CLEC2A: variants seen among roughly 807,000 people sequenced by gnomAD.
The protein encoded by CLEC2A is C-type lectin domain family 2 member A.
CLEC2A carries 19 observed loss-of-function variants against 18.6 expected under a neutral mutation model. That is an observed-to-expected ratio of 1.02 (90% confidence interval 0.71 to 1.50). The LOEUF (loss-of-function observed/expected upper bound fraction) is 1.50, where lower values mean the gene tolerates loss of function less well. Ranked by LOEUF, CLEC2A falls within the 40% of genes most tolerant of loss-of-function variation. The pLI, the probability that CLEC2A is intolerant of heterozygous loss-of-function variation, is 0.00. For synonymous variants in CLEC2A, 74 were observed against 64.0 expected (o/e 1.16, Z -0.75); for missense variants, 190 against 207.9 (o/e 0.91, Z 0.53).
At chr12:9,923,543 A>G (rs1340749829) in intron 2 of CLEC2A, among the ~76,000 whole-genome samples, 1 of 152,162 alleles carries the variant, frequency 6.6e-6, no homozygotes, top group South Asian at 2.1e-4. Flanking sequence ...ATCTAGAACT[A>G]GAAATACCAT....
At chr12:9,915,701 A>G (rs948831852) in intron 4 of CLEC2A, among the ~76,000 whole-genome samples, 3 of 152,058 alleles carry the variant, frequency 2.0e-5, no homozygotes, top group African/African-American at 7.2e-5. Flanking sequence ...TGGGGGCAGT[A>G]GGGGGTGGGA....
intron 3 of CLEC2A, 120 bp from the exon 4 acceptor site, chr12:9,916,923 G>A: frequency 1.5e-6 from 1 of 645,856 alleles, no homozygotes; most frequent in Non-Finnish European, 2.8e-6. Flanking sequence ...CTTCCCTGAT[G>A]CTTCTATAAC....
chr12:9,918,126 CA>C (rs1722744672), intron 3 of CLEC2A, among the ~76,000 whole-genome samples: 1 of 151,846 alleles, frequency 6.6e-6, no homozygotes, highest in Non-Finnish European at 1.5e-5. Flanking sequence ...TCAATTTTTG[CA>C]TTTTTTTTTA....
At chr12:9,912,938 T>C (rs1863010071), downstream of CLEC2A, among the ~76,000 whole-genome samples, 2 of 152,214 alleles carry the variant, frequency 1.3e-5, no homozygotes, top group Admixed American at 1.3e-4. Context: ...CTCACATTCC[T>C]ACTTGTTCTG....
the CLEC2A span, chr12:9,893,288 T>A: frequency 1.1e-6 from 1 of 926,264 alleles, no homozygotes; most frequent in Non-Finnish European, 1.6e-6. Context: ...AGCCACAATG[T>A]AGTCACTATT....
the CLEC2A span, chr12:9,885,027 T>A: frequency 5.6e-6 from 7 of 1,248,630 alleles, no homozygotes; most frequent in African/African-American, 1.6e-5. Flanking sequence ...GACCTGAAGT[T>A]CTGGCGTGAG....
chr12:9,923,152 C>T (rs1206028887), intron 2 of CLEC2A, among the ~76,000 whole-genome samples: 10 of 152,006 alleles, frequency 6.6e-5, no homozygotes, highest in Admixed American at 4.6e-4. Context: ...TTTGAAGCCC[C>T]GCATGCATTA....
At chr12:9,886,725 C>T in the CLEC2A span, among the ~76,000 whole-genome samples, 15 of 138,604 alleles carry the variant, frequency 1.1e-4, no homozygotes, top group South Asian at 3.2e-3. Context: ...GTCAATCTGT[C>T]GGTCTATTTA....
the CLEC2A span, among the ~76,000 whole-genome samples, chr12:9,888,326 T>C: frequency 6.6e-6 from 1 of 151,074 alleles, no homozygotes; most frequent in Non-Finnish European, 1.5e-5. Context: ...CCATCTCTAC[T>C]AAAAATACAA....
intron 3 of CLEC2A, among the ~76,000 whole-genome samples, chr12:9,918,487 T>C (rs957059514): frequency 6.6e-6 from 1 of 152,232 alleles, no homozygotes; most frequent in Non-Finnish European, 1.5e-5. Context: ...TACCATGCTG[T>C]TTTGGTTACT....
chr12:9,886,818 A>G, the CLEC2A span, among the ~76,000 whole-genome samples: 1 of 150,754 alleles, frequency 6.6e-6, no homozygotes, highest in Non-Finnish European at 1.5e-5. Context: ...AGATATATAG[A>G]TAGAGCCAGG....
chr12:9,906,026 T>A (rs948060436), intron 4 of CLEC2A, among the ~76,000 whole-genome samples: 1 of 77,864 alleles, frequency 1.3e-5, no homozygotes, highest in African/African-American at 1.1e-4. Flanking sequence ...ATTAGTTTTG[T>A]TTTTTTTTTT....
At position 9,928,780 on chromosome 12, in the gene CLEC2A, T is replaced by C. The variant is rs1486720282; in HGVS notation, c.56-2437A>G. Among the ~76,000 whole-genome samples, 4 of 152,080 alleles carry C rather than the reference T, an allele frequency of 2.6e-5. No homozygotes were observed. The East Asian group carries it at 7.7e-4, about 29-fold the overall frequency. ...TATTAGTCACAAGCAAAATGCAGAATAAAACCACAATGGAATATGACTACA... is the reference window on the plus strand; with the variant it reads ...TATTAGTCACAAGCAAAATGCAGAACAAAACCACAATGGAATATGACTACA... On this transcript the variant is annotated intron_variant, in intron 1 of 4. Transcript: ENST00000455827.
the CLEC2A span, among the ~76,000 whole-genome samples, chr12:9,879,601 C>T: frequency 7.9e-5 from 12 of 152,126 alleles, no homozygotes; most frequent in Non-Finnish European, 1.3e-4. Flanking sequence ...TATAAGATGG[C>T]CCAGAGGGAA....
At chr12:9,921,004 A>G (rs772122345) in intron 3 of CLEC2A, among the ~76,000 whole-genome samples, 10 of 152,240 alleles carry the variant, frequency 6.6e-5, no homozygotes, top group Non-Finnish European at 1.3e-4. Flanking sequence ...GGTAAAGGAC[A>G]TGGCATCACT....
downstream of CLEC2A, among the ~76,000 whole-genome samples, chr12:9,909,296 G>A (rs564073590): frequency 6.6e-6 from 1 of 152,266 alleles, no homozygotes; most frequent in South Asian, 2.1e-4. Flanking sequence ...TTTCCAGTGA[G>A]CTATGTTGTT....
intron 4 of CLEC2A, among the ~76,000 whole-genome samples, chr12:9,901,291 A>T (rs184940291): frequency 6.6e-6 from 1 of 152,358 alleles, no homozygotes; most frequent in East Asian, 1.9e-4. Flanking sequence ...AAAGTTCTAT[A>T]GCTTATTATA....
chr12:9,898,480 C>T (rs1227972294), downstream of CLEC2A, among the ~76,000 whole-genome samples: 1 of 152,166 alleles, frequency 6.6e-6, no homozygotes, highest in African/African-American at 2.4e-5. Flanking sequence ...TGAAACTTTA[C>T]CTCCCACTCT....
downstream of CLEC2A, among the ~76,000 whole-genome samples, chr12:9,896,469 C>G (rs1356382078): frequency 6.7e-6 from 1 of 150,112 alleles, no homozygotes; most frequent in Non-Finnish European, 1.5e-5. Flanking sequence ...AAAAAAAAAG[C>G]AAATCCGTGC....
Sources: allele counts gnomAD v4.1 joint callset (sites outside exome capture counted in the v4.1 genomes callset), GRCh38; gene constraint gnomAD v4.1.1; transcripts MANE v1.5; gene names NCBI Gene and HGNC (gene_info 2026-07-23, HGNC 2026-07-21).